Variants in DOCK4 observed in about 807,000 individuals in gnomAD.
DOCK4 encodes dedicator of cytokinesis protein 4.
A neutral mutation model predicts 268.1 loss-of-function variants in DOCK4; 97 were observed. That is an observed-to-expected ratio of 0.36 (90% CI 0.31 to 0.43). The LOEUF is 0.43. Ranked by LOEUF, DOCK4 falls within the 20% of genes least tolerant of loss-of-function variation. The pLI, the probability that DOCK4 is intolerant of heterozygous loss-of-function variation, is 1.00. For synonymous variants in DOCK4, 954 were observed against 887.2 expected, an observed-to-expected ratio of 1.08 and a Z score of -1.34; for missense variants, 2,145 against 2,455.7, an observed-to-expected ratio of 0.87 and a Z score of 2.67.
chr7:111,862,616 G>A (rs1254709952), intron 23 of DOCK4, among the ~76,000 whole-genome samples: 2 of 147,946 alleles, frequency 1.4e-5, no homozygotes, highest in African/African-American at 5.0e-5. Context: ...TCAGCCTCCC[G>A]AGTAGATGGG....
At chr7:111,828,258 G>T (rs112980728) in intron 26 of DOCK4, among the ~76,000 whole-genome samples, 1,579 of 152,236 alleles carry the variant, frequency 0.01, 30 homozygotes, top group African/African-American at 0.036. Flanking sequence ...ACATACTTGT[G>T]TTCTGATACT....
chr7:111,845,419 C>T (rs910918468), intron 24 of DOCK4, among the ~76,000 whole-genome samples: 3 of 152,134 alleles, frequency 2.0e-5, no homozygotes, highest in African/African-American at 7.2e-5. Flanking sequence ...CAGACAAATA[C>T]CCTTAGCTAC....
At chr7:111,861,764 T>C (rs1434183921) in intron 23 of DOCK4, among the ~76,000 whole-genome samples, 1 of 143,140 alleles carries the variant, frequency 7.0e-6, no homozygotes, top group African/African-American at 2.6e-5. Context: ...AAAAAAATAA[T>C]AATAATAATA....
chr7:111,746,297 G>A, intron 44 of DOCK4, 37 bp downstream of exon 44: 2 of 1,570,524 alleles, frequency 1.3e-6, no homozygotes, highest in Non-Finnish European at 1.7e-6. Flanking sequence ...CACATATCCA[G>A]GCAAAATAGA....
chr7:111,854,457 C>T (rs751858168), intron 23 of DOCK4, among the ~76,000 whole-genome samples: 7 of 152,174 alleles, frequency 4.6e-5, no homozygotes, highest in Non-Finnish European at 7.3e-5. Context: ...TCGGGGAGCT[C>T]AGTTTTTGAG....
chr7:111,889,625 G>A (rs1386961564), intron 16 of DOCK4, among the ~76,000 whole-genome samples: 1 of 152,128 alleles, frequency 6.6e-6, no homozygotes, highest in Non-Finnish European at 1.5e-5. Context: ...GACCAAGTTA[G>A]GGACTAGGAT....
intron 27 of DOCK4, among the ~76,000 whole-genome samples, chr7:111,812,387 C>T (rs985284342): frequency 5.3e-5 from 8 of 152,192 alleles, no homozygotes; most frequent in Non-Finnish European, 1.0e-4. Context: ...TCAAGTGATC[C>T]TCCTGCCTCA....
intron 29 of DOCK4, 144 bp downstream of exon 29, chr7:111,809,157 C>T: frequency 1.4e-6 from 1 of 739,312 alleles, no homozygotes; most frequent in Non-Finnish European, 2.2e-6. Flanking sequence ...ATCAAAACAT[C>T]CAGAAAAGAC....
intron 26 of DOCK4, among the ~76,000 whole-genome samples, chr7:111,830,889 C>G (rs1214996691): frequency 2.6e-5 from 4 of 151,938 alleles, no homozygotes; most frequent in African/African-American, 7.3e-5. Flanking sequence ...TTTAGGGAAC[C>G]TTTCATGATG....
intron 23 of DOCK4, among the ~76,000 whole-genome samples, chr7:111,848,232 C>A (rs1448285480): frequency 6.6e-6 from 1 of 152,160 alleles, no homozygotes; most frequent in Non-Finnish European, 1.5e-5. Context: ...AATTCCCATA[C>A]CTTATCTTCC....
intron 26 of DOCK4, among the ~76,000 whole-genome samples, chr7:111,824,386 TG>T (rs1379190231): frequency 6.6e-6 from 1 of 152,166 alleles, no homozygotes; most frequent in Non-Finnish European, 1.5e-5. Context: ...TTTCCTATCT[TG>T]GTGCATTTGC....
chr7:112,145,393 TA>T (rs1399819662), intron 1 of DOCK4, among the ~76,000 whole-genome samples: 1 of 152,176 alleles, frequency 6.6e-6, no homozygotes, highest in Non-Finnish European at 1.5e-5. Context: ...TCCCATATGC[TA>T]GGCCTAAGAT....
chr7:111,976,813 A>G (rs1328743138), intron 8 of DOCK4: 1 of 186,040 alleles, frequency 5.4e-6, no homozygotes, highest in Non-Finnish European at 1.1e-5. Flanking sequence ...ACTTCTCCAG[A>G]GAATCTGTAT....
At chr7:111,993,572 A>T (rs1230187937) in intron 5 of DOCK4, among the ~76,000 whole-genome samples, 1 of 152,222 alleles carries the variant, frequency 6.6e-6, no homozygotes, top group Non-Finnish European at 1.5e-5. Context: ...GGATTAAAGA[A>T]GATACTGCAT....
chr7:112,051,494 T>C (rs73434623), intron 1 of DOCK4, among the ~76,000 whole-genome samples: 8,714 of 152,028 alleles, frequency 0.057, 798 homozygotes, highest in African/African-American at 0.2. Flanking sequence ...GGGAGAAAAA[T>C]GGAGTTAGGG....
chr7:111,736,577 G>A (rs1410303202), intron 50 of DOCK4, among the ~76,000 whole-genome samples: 1 of 152,140 alleles, frequency 6.6e-6, no homozygotes, highest in Non-Finnish European at 1.5e-5. Context: ...AATCGATCCG[G>A]GTGAAGCTAT....
At chr7:112,072,157 C>A (rs572546857) in intron 1 of DOCK4, among the ~76,000 whole-genome samples, 1 of 152,220 alleles carries the variant, frequency 6.6e-6, no homozygotes, top group East Asian at 1.9e-4. Flanking sequence ...CTCCAATAAA[C>A]CATGATATTT....
Position 112,183,391 on chromosome 7 carries a change from A to G in DOCK4, c.37+22711T>C, listed in dbSNP as rs56237403. Among the ~76,000 whole-genome samples the G allele has an allele frequency of 6.9e-3, 1,046 of 152,340 alleles. 14 individuals are homozygous for G. Among genetic ancestry groups the G allele is most frequent in the African/African-American group, 0.024 (990 of 41,582 alleles). On this transcript the variant is annotated intron_variant, in intron 1 of 52. Transcript: ENST00000428084. ...AAACTGAAAGGGCAAAAGAAATTTC[A>G]AACAAAAGGTATTGATGAGAAAAGC...
At chr7:112,028,353 C>A (rs554666525) in intron 1 of DOCK4, among the ~76,000 whole-genome samples, 59 of 152,234 alleles carry the variant, frequency 3.9e-4, no homozygotes, top group African/African-American at 1.4e-3. Flanking sequence ...TCTGAGAATA[C>A]ATATTCTTAT....
Sources: gnomAD v4.1 joint callset for allele counts (sites outside exome capture counted in the v4.1 genomes callset) on GRCh38, gnomAD v4.1.1 for gene constraint, MANE v1.5 for transcripts, NCBI Gene and HGNC (gene_info 2026-07-23, HGNC 2026-07-21) for gene names.